The following RBMS3 variants were observed in gnomAD, a reference collection of about 807,000 sequenced individuals.
The protein encoded by RBMS3 is RNA-binding motif, single-stranded-interacting protein 3.
A neutral mutation model predicts 66.8 loss-of-function variants in RBMS3; 27 were observed. The ratio of observed to expected loss-of-function variants is 0.40; its 90% CI spans 0.30 to 0.56. The LOEUF (loss-of-function observed/expected upper bound fraction) is 0.56. Ranked by LOEUF, RBMS3 falls within the 20% of genes least tolerant of loss-of-function variation. The pLI is 0.40. For synonymous variants in RBMS3, 188 were observed against 183.0 expected, an observed-to-expected ratio of 1.03 and a Z score of -0.22; for missense variants, 513 against 549.5, an observed-to-expected ratio of 0.93 and a Z score of 0.66.
intron 3 of RBMS3, among the ~76,000 whole-genome samples, chr3:29,564,158 A>C (rs977402191): frequency 2.0e-5 from 3 of 152,214 alleles, no homozygotes; most frequent in East Asian, 1.9e-4. Context: ...TTCACATTGC[A>C]TATGTAGCTA....
chr3:29,336,735 A>G (rs1259260422), intron 1 of RBMS3, among the ~76,000 whole-genome samples: 1 of 152,168 alleles, frequency 6.6e-6, no homozygotes, highest in African/African-American at 2.4e-5. Context: ...AAAAAACTGA[A>G]GCTTGCAAAG....
chr3:29,404,713 A>C (rs1373717040), intron 1 of RBMS3, among the ~76,000 whole-genome samples: 1 of 152,100 alleles, frequency 6.6e-6, no homozygotes, highest in Non-Finnish European at 1.5e-5. Flanking sequence ...CTTGAGTGAT[A>C]AATCTTCAAT....
At chr3:29,627,665 A>T (rs1379520) in intron 4 of RBMS3, among the ~76,000 whole-genome samples, 45,512 of 151,952 alleles carry the variant, frequency 0.3, 7,506 homozygotes, top group African/African-American at 0.43. Context: ...TTTGCCTTTT[A>T]ATAATGTTTA....
intron 6 of RBMS3, among the ~76,000 whole-genome samples, chr3:29,794,299 C>T (rs1242205580): frequency 6.6e-6 from 1 of 152,232 alleles, no homozygotes; most frequent in Middle Eastern, 3.4e-3. Context: ...CTTAAAACCA[C>T]ATGATGGCGG....
At chr3:29,866,106 T>C (rs1336225467) in intron 6 of RBMS3, among the ~76,000 whole-genome samples, 1 of 136,140 alleles carries the variant, frequency 7.3e-6, no homozygotes, top group Non-Finnish European at 1.6e-5. Context: ...AAAATTCCTC[T>C]TCTTGGATAA....
chr3:29,577,608 C>T (rs1470187699), intron 3 of RBMS3, among the ~76,000 whole-genome samples: 1 of 152,196 alleles, frequency 6.6e-6, no homozygotes, highest in Non-Finnish European at 1.5e-5. Flanking sequence ...ATGGATGATT[C>T]TTCTCTGGCT....
intron 1 of RBMS3, chr3:29,390,944 G>A (rs1284606835): frequency 4.6e-6 from 1 of 216,616 alleles, no homozygotes; most frequent in Non-Finnish European, 1.1e-5. Context: ...CGGCTACCAT[G>A]GGGAATTTGT....
chr3:29,388,820 T>C (rs1011539618), intron 1 of RBMS3, among the ~76,000 whole-genome samples: 1 of 152,170 alleles, frequency 6.6e-6, no homozygotes, highest in African/African-American at 2.4e-5. Context: ...CGCCTTGGCC[T>C]CCCAAAGTGC....
chr3:29,944,978 C>G (rs1224920110), intron 12 of RBMS3, among the ~76,000 whole-genome samples: 1 of 151,698 alleles, frequency 6.6e-6, no homozygotes, highest in African/African-American at 2.4e-5. Flanking sequence ...TTATTTTGAA[C>G]TGCACAGATC....
chr3:29,591,040 A>G (rs963545497), intron 4 of RBMS3, among the ~76,000 whole-genome samples: 1 of 152,196 alleles, frequency 6.6e-6, no homozygotes, highest in Non-Finnish European at 1.5e-5. Context: ...CTTACAACTC[A>G]AAAGCCAAAA....
At chr3:29,928,213 C>CTAT in intron 10 of RBMS3, among the ~76,000 whole-genome samples, 1 of 96,704 alleles carries the variant, frequency 1.0e-5, no homozygotes, top group African/African-American at 3.9e-5. Context: ...TATATATATA[C>CTAT]ACACACACAC....
rs912035148 is a variant in RBMS3 at position 29,534,090 on chromosome 3, A to T, written c.307+45591A>T. On this transcript the variant is annotated intron_variant, in intron 3 of 14. Transcript: ENST00000383767. ...TCTGTCCTTGTAACTTCATGAGTAA[A>T]GTTTCCTATTTATCTTAGGCTCCAA... 2.6e-5 allele frequency among the ~76,000 whole-genome samples: 4 copies of T among 152,194 alleles called. No homozygotes were observed. In the South Asian group the frequency reaches 8.3e-4, roughly 31 times the overall value.
chr3:29,298,925 G>C (rs781566102), intron 1 of RBMS3, among the ~76,000 whole-genome samples: 2 of 151,842 alleles, frequency 1.3e-5, no homozygotes, highest in Non-Finnish European at 2.9e-5. Flanking sequence ...ACCACTGCTT[G>C]GGGGTGGTTT....
intron 3 of RBMS3, among the ~76,000 whole-genome samples, chr3:29,515,111 T>C (rs955855643): frequency 6.6e-6 from 1 of 152,126 alleles, no homozygotes; most frequent in African/African-American, 2.4e-5. Context: ...TTAGAAAGAA[T>C]GAGGAAGTGG....
At chr3:29,353,763 T>C (rs2037058713) in intron 1 of RBMS3, among the ~76,000 whole-genome samples, 1 of 152,092 alleles carries the variant, frequency 6.6e-6, no homozygotes, top group South Asian at 2.1e-4. Flanking sequence ...CCAAGGGGCA[T>C]ATGGACTTCT....
intron 4 of RBMS3, among the ~76,000 whole-genome samples, chr3:29,609,278 A>T (rs1458931535): frequency 6.6e-6 from 1 of 152,026 alleles, no homozygotes; most frequent in Non-Finnish European, 1.5e-5. Flanking sequence ...CTGTTGATCC[A>T]TATGTAGAGG....
chr3:29,437,998 A>G (rs2041462878), intron 2 of RBMS3, among the ~76,000 whole-genome samples: 1 of 150,038 alleles, frequency 6.7e-6, no homozygotes, highest in Admixed American at 6.7e-5. Flanking sequence ...GTAAGAGACC[A>G]ATGCAGGTCA....
chr3:29,664,803 T>C (rs1444678742), intron 4 of RBMS3, among the ~76,000 whole-genome samples: 1 of 152,140 alleles, frequency 6.6e-6, no homozygotes, highest in Non-Finnish European at 1.5e-5. Context: ...TGAAGCATAG[T>C]TTAGGACACT....
intron 3 of RBMS3, among the ~76,000 whole-genome samples, chr3:29,497,599 C>T (rs2043802602): frequency 6.6e-6 from 1 of 152,126 alleles, no homozygotes; most frequent in Admixed American, 6.6e-5. Flanking sequence ...AAAAGTCCTC[C>T]AAGACTCTAC....
Sources: allele counts gnomAD v4.1 joint callset (sites outside exome capture counted in the v4.1 genomes callset), GRCh38; gene constraint gnomAD v4.1.1; transcripts MANE v1.5; gene names NCBI Gene and HGNC (gene_info 2026-07-23, HGNC 2026-07-21).